The following L3MBTL4 variants were observed in gnomAD, a reference collection of about 807,000 sequenced individuals.
L3MBTL4 encodes the protein L3MBTL histone methyl-lysine binding protein 4, also known as lethal(3)malignant brain tumor-like protein 4.
A neutral mutation model predicts 84.5 loss-of-function variants in L3MBTL4; 70 were observed. The observed-to-expected ratio is 0.83, with a 90% CI of 0.68 to 1.01. The LOEUF is 1.01. L3MBTL4 is among the 50% of genes least tolerant of loss of function. L3MBTL4 has a pLI of 0.00. For missense variants in L3MBTL4, 715 were observed against 754.8 expected (o/e 0.95, Z 0.62); for synonymous variants, 274 against 259.8 (o/e 1.05, Z -0.52).
In L3MBTL4 at chr18:6,031,958, C is replaced by T. The variant is rs2055823882; in HGVS notation, c.1444+48923G>A. 7 of 515,620 alleles carry T rather than the reference C, an allele frequency of 1.4e-5. 1 individual carries two copies. The South Asian group carries it at 5.7e-4, about 42-fold the overall frequency. The allele number at this position is 515,620 out of a possible 1,614,324, so 31.9% of individuals were successfully genotyped here. On this transcript the variant is annotated intron_variant, in intron 16 of 18. Transcript: ENST00000317931. Reference sequence around the variant, plus strand: ...GTACCCATTAAAAGGAATTTCTCCACCCTTTCCACCATTTTTTCTTTCTTT... The same window carrying T: ...GTACCCATTAAAAGGAATTTCTCCATCCTTTCCACCATTTTTTCTTTCTTT...
chr18:5,969,274 C>A (rs1408192590), intron 17 of L3MBTL4, 119 bp downstream of exon 17: 44 of 1,087,114 alleles, frequency 4.0e-5, no homozygotes, highest in Non-Finnish European at 6.0e-5. Flanking sequence ...ATGGCAGATG[C>A]GATGCCTAAG....
At chr18:6,116,610 T>C (rs2144216935) in intron 14 of L3MBTL4, among the ~76,000 whole-genome samples, 2 of 152,204 alleles carry the variant, frequency 1.3e-5, no homozygotes, top group South Asian at 4.2e-4. Flanking sequence ...GTGATCCACC[T>C]GCCTCGGCTT....
chr18:6,129,638 G>A (rs1029969653), intron 14 of L3MBTL4, among the ~76,000 whole-genome samples: 1 of 152,018 alleles, frequency 6.6e-6, no homozygotes, highest in Non-Finnish European at 1.5e-5. Context: ...TCAGGTCTGG[G>A]TTCTCCTCTG....
At chr18:6,330,553 T>C (rs2051978226) in intron 1 of L3MBTL4, among the ~76,000 whole-genome samples, 1 of 152,200 alleles carries the variant, frequency 6.6e-6, no homozygotes, top group South Asian at 2.1e-4. Context: ...ATTACATGGG[T>C]CCGCCTGAAT....
chr18:6,268,035 T>A (rs553030041), intron 4 of L3MBTL4, among the ~76,000 whole-genome samples: 1 of 152,300 alleles, frequency 6.6e-6, no homozygotes, highest in Admixed American at 6.5e-5. Context: ...GAATATAAGC[T>A]TCTAAAAAGG....
chr18:6,064,026 T>C, intron 16 of L3MBTL4, among the ~76,000 whole-genome samples: 1 of 152,144 alleles, frequency 6.6e-6, no homozygotes, highest in East Asian at 1.9e-4. Context: ...CTTGAGTTGA[T>C]TTTTGTATAA....
chr18:6,349,039 A>C (rs1004304513), intron 1 of L3MBTL4, among the ~76,000 whole-genome samples: 2 of 152,214 alleles, frequency 1.3e-5, no homozygotes, highest in Non-Finnish European at 2.9e-5. Flanking sequence ...AAAATGAACA[A>C]CACCAAGTGC....
At chr18:6,152,908 G>T (rs529573048) in intron 13 of L3MBTL4, among the ~76,000 whole-genome samples, 1 of 152,040 alleles carries the variant, frequency 6.6e-6, no homozygotes, top group East Asian at 1.9e-4. Flanking sequence ...GTTAATTTTT[G>T]TATGTGGTGC....
chr18:6,356,437 G>C (rs2053449318), intron 1 of L3MBTL4, among the ~76,000 whole-genome samples: 1 of 152,218 alleles, frequency 6.6e-6, no homozygotes, highest in Non-Finnish European at 1.5e-5. Flanking sequence ...ATACAGTCAT[G>C]TGTCACTTAA....
intron 1 of L3MBTL4, among the ~76,000 whole-genome samples, chr18:6,346,614 C>G (rs1353346512): frequency 6.6e-6 from 1 of 151,988 alleles, no homozygotes; most frequent in South Asian, 2.1e-4. Context: ...TACTAATCAT[C>G]AAGGAAATAC....
intron 10 of L3MBTL4, among the ~76,000 whole-genome samples, chr18:6,222,566 C>G (rs766257606): frequency 5.9e-5 from 9 of 152,258 alleles, no homozygotes; most frequent in Non-Finnish European, 1.2e-4. Flanking sequence ...TTCTATTTCT[C>G]TCTGTCTCTC....
intron 14 of L3MBTL4, among the ~76,000 whole-genome samples, chr18:6,129,366 CTCTGTGTGTGTG>C (rs1169027828): frequency 2.9e-5 from 4 of 139,110 alleles, no homozygotes; most frequent in African/African-American, 5.7e-5. Flanking sequence ...CTGGAATTCT[CTCTGTGTGTGTG>C]TGTGTGTGTG....
intron 4 of L3MBTL4, among the ~76,000 whole-genome samples, chr18:6,295,346 C>CTCTCTCTCTCTCTATATATATATATA (rs1261475809): frequency 7.4e-5 from 6 of 81,378 alleles, no homozygotes; most frequent in African/African-American, 4.0e-4. Context: ...CTCTCTCTCT[C>CTCTCTCTCTCTCTATATATATATATA]TATATATATA....
chr18:6,309,539 AT>A (rs1568470012), intron 3 of L3MBTL4, among the ~76,000 whole-genome samples: 1 of 152,258 alleles, frequency 6.6e-6, no homozygotes, highest in African/African-American at 2.4e-5. Context: ...TTTAACAGAT[AT>A]TTTTGAAAAT....
At chr18:6,239,290 G>A (rs367552687) in intron 9 of L3MBTL4, among the ~76,000 whole-genome samples, 45 of 141,748 alleles carry the variant, frequency 3.2e-4, no homozygotes, top group African/African-American at 8.9e-4. Flanking sequence ...GCAGTGAGCC[G>A]AGATCCCGCC....
intron 16 of L3MBTL4, chr18:6,031,139 AC>A: frequency 2.0e-6 from 2 of 985,362 alleles, no homozygotes; most frequent in African/African-American, 1.7e-5. Flanking sequence ...CAAGTTCTAA[AC>A]CCAGCTCTTG....
intron 10 of L3MBTL4, among the ~76,000 whole-genome samples, chr18:6,225,174 A>C (rs1195871044): frequency 1.3e-5 from 2 of 152,248 alleles, no homozygotes; most frequent in Non-Finnish European, 2.9e-5. Context: ...GTTCCAAAGC[A>C]ACAAAGTAAA....
chr18:6,282,857 T>C (rs1184749250), intron 4 of L3MBTL4, among the ~76,000 whole-genome samples: 1 of 152,046 alleles, frequency 6.6e-6, no homozygotes, highest in African/African-American at 2.4e-5. Flanking sequence ...CGAAAATAAG[T>C]GGACAGATGA....
At chr18:6,034,632 G>A (rs1248452559) in intron 16 of L3MBTL4, among the ~76,000 whole-genome samples, 1 of 152,180 alleles carries the variant, frequency 6.6e-6, no homozygotes, top group African/African-American at 2.4e-5. Flanking sequence ...CTTTATAGCA[G>A]CATGATTTAT....
Sources: allele counts gnomAD v4.1 joint callset (sites outside exome capture counted in the v4.1 genomes callset), GRCh38; gene constraint gnomAD v4.1.1; transcripts MANE v1.5; gene names NCBI Gene and HGNC (gene_info 2026-07-23, HGNC 2026-07-21).